Variants in PRKCZ observed in about 807,000 individuals in gnomAD.
PRKCZ encodes protein kinase C zeta.
In PRKCZ, 33 loss-of-function variants were observed where a neutral mutation model predicts 79.5. The observed-to-expected ratio is 0.41, with a 90% CI of 0.31 to 0.55. The LOEUF is 0.55. PRKCZ is among the 20% of genes least tolerant of loss of function. The pLI, the probability that PRKCZ is intolerant of heterozygous loss-of-function variation, is 0.19. For synonymous variants in PRKCZ, 342 were observed against 320.9 expected (o/e 1.07, Z -0.70); for missense variants, 578 against 813.5 (o/e 0.71, Z 3.52).
chr1:2,081,760 G>A (rs1362729909), intron 4 of PRKCZ, among the ~76,000 whole-genome samples: 1 of 152,056 alleles, frequency 6.6e-6, no homozygotes, highest in East Asian at 1.9e-4. Flanking sequence ...TGTGGGACTC[G>A]GCAGGTCCCT....
intron 7 of PRKCZ, 80 bp downstream of exon 7, chr1:2,146,188 C>CT: frequency 1.5e-6 from 2 of 1,371,758 alleles, no homozygotes; most frequent in Non-Finnish European, 2.1e-6. Flanking sequence ...GCCACGAGTC[C>CT]TTTCTCAGTC....
chr1:2,102,821 G>A (rs1667726452), intron 4 of PRKCZ, among the ~76,000 whole-genome samples: 2 of 152,022 alleles, frequency 1.3e-5, no homozygotes, highest in African/African-American at 4.8e-5. Context: ...GAAACCTAGG[G>A]GCTGGAGGGG....
chr1:2,175,550 C>T (rs1685319073), intron 16 of PRKCZ, among the ~76,000 whole-genome samples: 2 of 148,176 alleles, frequency 1.3e-5, no homozygotes, highest in East Asian at 4.0e-4. Context: ...CACCCAACCC[C>T]ACTCCAACCC....
chr1:2,080,434 G>A (rs1051531873), intron 4 of PRKCZ, among the ~76,000 whole-genome samples: 2 of 147,390 alleles, frequency 1.4e-5, no homozygotes, highest in Non-Finnish European at 2.9e-5. Flanking sequence ...TTTAAGGAGG[G>A]CAAAGGCCCC....
intron 4 of PRKCZ, among the ~76,000 whole-genome samples, chr1:2,076,864 G>C (rs546682297): frequency 4.6e-5 from 7 of 152,192 alleles, no homozygotes; most frequent in Non-Finnish European, 1.0e-4. Flanking sequence ...AGGAGACGCT[G>C]TGGCAGAGCC....
chr1:2,078,067 G>A (rs1662766596), intron 4 of PRKCZ, among the ~76,000 whole-genome samples: 1 of 152,204 alleles, frequency 6.6e-6, no homozygotes, highest in African/African-American at 2.4e-5. Context: ...AAGAGGGGCA[G>A]CTCCCACCGA....
chr1:2,182,186 G>A (rs528625653), intron 16 of PRKCZ: 11 of 221,990 alleles, frequency 5.0e-5, no homozygotes, highest in African/African-American at 9.3e-5. Context: ...CCACGATTCC[G>A]TTCCCAGTTT....
intron 4 of PRKCZ, chr1:2,074,275 GGT>G: frequency 6.5e-7 from 1 of 1,549,686 alleles, no homozygotes. Flanking sequence ...GAGGACGGAT[GGT>G]GTGTGGCCCA....
chr1:2,151,612 C>G (rs1679923419), intron 9 of PRKCZ, among the ~76,000 whole-genome samples: 1 of 152,158 alleles, frequency 6.6e-6, no homozygotes, highest in Admixed American at 6.5e-5. Flanking sequence ...CTTCCCACAC[C>G]AGCTGTTTCT....
intron 4 of PRKCZ, among the ~76,000 whole-genome samples, chr1:2,126,446 A>G (rs1289369659): frequency 1.3e-5 from 2 of 151,684 alleles, no homozygotes; most frequent in Non-Finnish European, 2.9e-5. Flanking sequence ...AATCCAGCTC[A>G]TTACCTGTCT....
chr1:2,155,663 T>C (rs1365331503), intron 9 of PRKCZ, among the ~76,000 whole-genome samples: 1 of 144,940 alleles, frequency 6.9e-6, no homozygotes, highest in Non-Finnish European at 1.5e-5. Context: ...ACAATGATGG[T>C]GGTGGGTGGA....
At chr1:2,153,659 C>T (rs1280676365) in intron 9 of PRKCZ, among the ~76,000 whole-genome samples, 1 of 152,206 alleles carries the variant, frequency 6.6e-6, no homozygotes, top group Non-Finnish European at 1.5e-5. Context: ...GATTCCAGCC[C>T]CCTTTGCAGC....
At chr1:2,143,563 T>C (rs1677845040) in intron 5 of PRKCZ, 1 of 152,294 alleles carries the variant, frequency 6.6e-6, no homozygotes, top group Admixed American at 6.5e-5. Context: ...TTCATTCTCA[T>C]GCCTTTTGTA....
Position 2,174,999 on chromosome 1 carries a change from G to A in PRKCZ, c.1485+166G>A, listed in dbSNP as rs2292857. Among the ~76,000 whole-genome samples the A allele has an allele frequency of 3.8e-3, 573 of 152,246 alleles. 17 individuals carry two copies. In the East Asian group the frequency reaches 0.082, roughly 22 times the overall value. On this transcript the variant is annotated intron_variant, in intron 15 of 17. Coordinates refer to ENST00000378567, the MANE Select transcript of PRKCZ (RefSeq NM_002744.6). The surrounding 1 kb of genome is among the most constrained non-coding windows in gnomAD (Gnocchi z 6.2). ...GAGCTCTGTGTTCTGTGAATCGTCCGTTTTTACTCACACCTAACAAAATGA... is the reference window on the plus strand; with the variant it reads ...GAGCTCTGTGTTCTGTGAATCGTCCATTTTTACTCACACCTAACAAAATGA...
chr1:2,125,670 C>T lies in PRKCZ; in HGVS notation c.335-9592C>T, dbSNP rs1447379996. On this transcript the variant is annotated intron_variant, in intron 4 of 17. Coordinates refer to ENST00000378567, the MANE Select transcript of PRKCZ (RefSeq NM_002744.6). This position sits in a 1 kb window ranked among gnomAD's most constrained non-coding sequence, Gnocchi z 4.2. ...CCTGTGGTGCCTCCCGCTTTCCATC[C>T]GCATTCCATGGCAGGTGAGTCTGAT... 6.6e-6 allele frequency among the ~76,000 whole-genome samples: 1 copy of T among 152,234 alleles called. No homozygotes were observed. The highest frequency in any genetic ancestry group is 1.9e-4 in the East Asian group (1 of 5,192).
In PRKCZ at chr1:2,184,645, C is replaced by A; in HGVS notation, c.1638C>A (p.Asp546Glu). 2 of 1,614,092 alleles carry A rather than the reference C, an allele frequency of 1.2e-6. No individual in the cohort carries two copies. Among genetic ancestry groups the A allele is most frequent in the South Asian group, 2.2e-5 (2 of 91,066 alleles). ...AGATCACAGACGACTACGGTCTGGA[C>A]AACTTTGACACACAGTTCACCAGCG... ...QPQITDDYGL[D>E]NFDTQFTSEP... Residue 546 changes from aspartate (D) to glutamate (E), a missense_variant, in exon 17 of 18, where the codon GAC becomes GAA. Around this residue, in one of 4 missense-constraint regions of PRKCZ, gnomAD observed 243 missense variants for 467.0 expected, o/e 0.52. Transcript: ENST00000378567.
At chr1:2,175,120 A>C in intron 15 of PRKCZ, 104 bp from the exon 16 acceptor site, 1 of 986,068 alleles carries the variant, frequency 1.0e-6, no homozygotes, top group Non-Finnish European at 1.6e-6. Context: ...GGGTCAGAGC[A>C]TCGGGGGAGG....
At chr1:2,162,289 A>G (rs1202199406) in intron 10 of PRKCZ, among the ~76,000 whole-genome samples, 5 of 152,010 alleles carry the variant, frequency 3.3e-5, no homozygotes, top group Admixed American at 2.0e-4. Context: ...CTGCCACCAC[A>G]CCCAGCTAAT....
intron 4 of PRKCZ, among the ~76,000 whole-genome samples, chr1:2,107,451 G>A (rs1230082239): frequency 2.6e-5 from 4 of 152,246 alleles, no homozygotes; most frequent in African/African-American, 9.6e-5. Flanking sequence ...GATGCATGTG[G>A]GGGCTCCGTC....
Sources: allele counts gnomAD v4.1 joint callset (sites outside exome capture counted in the v4.1 genomes callset), GRCh38; gene constraint gnomAD v4.1.1; regional missense constraint gnomAD v4.1.1; non-coding constraint Gnocchi (gnomAD v3.1); transcripts MANE v1.5; gene names NCBI Gene and HGNC (gene_info 2026-07-23, HGNC 2026-07-21).